EYS: variants seen among roughly 807,000 people sequenced by gnomAD.
The protein encoded by EYS is EGF-like photoreceptor maintenance factor.
Under a neutral mutation model 282.1 loss-of-function variants are expected in EYS, and 250 were observed. The observed-to-expected ratio is 0.89, with a 90% CI of 0.80 to 0.98. EYS has a LOEUF of 0.98. EYS is among the 50% of genes least tolerant of loss of function. EYS has a pLI of 0.00. For synonymous variants in EYS, 1,355 were observed against 1,282.9 expected, an observed-to-expected ratio of 1.06 and a Z score of -1.20; for missense variants, 4,016 against 3,709.0, an observed-to-expected ratio of 1.08 and a Z score of -2.15.
chr6:65,072,624 C>T (rs1210729130), intron 12 of EYS, among the ~76,000 whole-genome samples: 4 of 151,574 alleles, frequency 2.6e-5, no homozygotes, highest in Non-Finnish European at 5.9e-5. Flanking sequence ...ATTACTATTT[C>T]AAAATGAGCT....
At chr6:65,051,598 C>T (rs1773271169) in intron 13 of EYS, among the ~76,000 whole-genome samples, 1 of 151,400 alleles carries the variant, frequency 6.6e-6, no homozygotes, top group Non-Finnish European at 1.5e-5. Flanking sequence ...GTATATAATA[C>T]ATTGTTTTAA....
At chr6:65,584,884 A>AAT (rs1464674501) in intron 2 of EYS, among the ~76,000 whole-genome samples, 1 of 142,924 alleles carries the variant, frequency 7.0e-6, no homozygotes, top group Non-Finnish European at 1.5e-5. Flanking sequence ...GCACTATGGG[A>AAT]ATATTATATA....
At chr6:64,032,036 A>G (rs535369295) in intron 33 of EYS, among the ~76,000 whole-genome samples, 51 of 152,130 alleles carry the variant, frequency 3.4e-4, no homozygotes, top group Admixed American at 1.1e-3. Flanking sequence ...AACACTCACC[A>G]CGAAGGTCTG....
At chr6:63,837,880 A>G (rs1771848455) in intron 36 of EYS, among the ~76,000 whole-genome samples, 1 of 152,150 alleles carries the variant, frequency 6.6e-6, no homozygotes, top group Non-Finnish European at 1.5e-5. Context: ...TAAGATTGGA[A>G]CTATTTCTTC....
chr6:64,717,828 T>C (rs1583074736), intron 22 of EYS, among the ~76,000 whole-genome samples: 1 of 152,188 alleles, frequency 6.6e-6, no homozygotes, highest in African/African-American at 2.4e-5. Context: ...AGAATGCTTA[T>C]TTATTGGGCC....
rs1201126258 is a variant in EYS at position 65,091,732 on chromosome 6, G to C, written c.2024-34005C>G. The stretch of plus-strand genomic sequence containing the variant: ...TAGGCCAAGGCTGACATCCAGTACA[G>C]CACGACACAGCGGGTTTGGAGCAGA... On this transcript the variant is annotated intron_variant, in intron 12 of 42. Coordinates refer to ENST00000503581, the MANE Select transcript of EYS (RefSeq NM_001142800.2). Among the ~76,000 whole-genome samples, 9 of 152,212 alleles carry C rather than the reference G, an allele frequency of 5.9e-5. No individual in the cohort carries two copies. In the South Asian group the frequency reaches 1.9e-3, roughly 32 times the overall value.
intron 41 of EYS, among the ~76,000 whole-genome samples, chr6:63,754,619 C>A (rs2149650638): frequency 6.6e-6 from 1 of 152,254 alleles, no homozygotes; most frequent in East Asian, 1.9e-4. Flanking sequence ...TGTTCCAAGT[C>A]TTTGCTATTG....
chr6:64,031,779 G>A (rs1769855615), intron 33 of EYS, among the ~76,000 whole-genome samples: 1 of 152,178 alleles, frequency 6.6e-6, no homozygotes, highest in African/African-American at 2.4e-5. Flanking sequence ...GGGACGTGGA[G>A]AACATCTGTG....
chr6:63,976,819 A>G (rs1039650929), intron 35 of EYS, among the ~76,000 whole-genome samples: 9 of 151,986 alleles, frequency 5.9e-5, no homozygotes, highest in African/African-American at 2.2e-4. Context: ...GGGAGTTTAG[A>G]TTTTGTGGGG....
chr6:65,095,961 A>G (rs1033385619), intron 12 of EYS, among the ~76,000 whole-genome samples: 1 of 151,112 alleles, frequency 6.6e-6, no homozygotes, highest in Non-Finnish European at 1.5e-5. Context: ...ATTAGACAAG[A>G]AAATAAAATA....
intron 14 of EYS, 133 bp downstream of exon 14, chr6:64,997,449 C>T (rs988200948): frequency 5.1e-6 from 4 of 786,404 alleles, no homozygotes; most frequent in Admixed American, 3.4e-5. Context: ...TTTCTGTTTT[C>T]TAACCTTGAG....
intron 12 of EYS, among the ~76,000 whole-genome samples, chr6:65,129,170 A>G (rs1775799181): frequency 6.6e-6 from 1 of 152,020 alleles, no homozygotes; most frequent in South Asian, 2.1e-4. Flanking sequence ...TCAATTAAAG[A>G]TGGATTAAAT....
chr6:65,484,150 C>A (rs1443663348), intron 5 of EYS, among the ~76,000 whole-genome samples: 4 of 149,190 alleles, frequency 2.7e-5, no homozygotes, highest in East Asian at 2.0e-4. Flanking sequence ...AAAAAAAAAA[C>A]CCTATTATAG....
chr6:65,345,005 G>A lies in EYS; in HGVS notation c.1460-828C>T, dbSNP rs142770651. Among the ~76,000 whole-genome samples the A allele has an allele frequency of 6.2e-3, 938 of 151,666 alleles. 17 individuals carry two copies. The highest frequency in any genetic ancestry group is 0.021 in the African/African-American group (876 of 41,442). On this transcript the variant is annotated intron_variant, in intron 9 of 42. Coordinates refer to ENST00000503581, the MANE Select transcript of EYS (RefSeq NM_001142800.2). ...ATAGTAAACAAATCTAAACTCTAGG[G>A]ACTCGCAAGGCATCATTTCTTGGAA...
intron 35 of EYS, among the ~76,000 whole-genome samples, chr6:63,974,952 T>C (rs150794041): frequency 4.9e-4 from 74 of 151,988 alleles, no homozygotes; most frequent in African/African-American, 1.7e-3. Context: ...CACTTAAACA[T>C]TGGTAAGAGT....
chr6:64,129,768 A>C (rs1489270073), intron 31 of EYS, among the ~76,000 whole-genome samples: 1 of 152,164 alleles, frequency 6.6e-6, no homozygotes, highest in Non-Finnish European at 1.5e-5. Context: ...TTTTAGGTCT[A>C]ACATGTAAGT....
chr6:64,216,148 AT>A (rs1172770778), intron 31 of EYS, among the ~76,000 whole-genome samples: 1 of 152,238 alleles, frequency 6.6e-6, no homozygotes, highest in East Asian at 1.9e-4. Flanking sequence ...TTGAAAAAGA[AT>A]TAAGCACAGA....
intron 35 of EYS, among the ~76,000 whole-genome samples, chr6:63,880,927 T>C (rs911045208): frequency 1.3e-5 from 2 of 152,214 alleles, no homozygotes; most frequent in African/African-American, 4.8e-5. Flanking sequence ...AAAAGGTGTT[T>C]TGGCTGTAGG....
intron 18 of EYS, among the ~76,000 whole-genome samples, chr6:64,890,436 T>C (rs1325558427): frequency 6.6e-6 from 1 of 152,154 alleles, no homozygotes; most frequent in Non-Finnish European, 1.5e-5. Flanking sequence ...AGACATGTGA[T>C]GTCTCCCCTG....
Sources: allele counts gnomAD v4.1 joint callset (sites outside exome capture counted in the v4.1 genomes callset), GRCh38; gene constraint gnomAD v4.1.1; transcripts MANE v1.5; gene names NCBI Gene and HGNC (gene_info 2026-07-23, HGNC 2026-07-21).